The following ISY1 variants were observed in gnomAD, a reference collection of about 807,000 sequenced individuals.
ISY1 encodes pre-mRNA-splicing factor ISY1 homolog.
Under a neutral mutation model 54.4 loss-of-function variants are expected in ISY1, and 12 were observed. The ratio of observed to expected loss-of-function variants is 0.22; its 90% CI spans 0.14 to 0.36. The LOEUF is 0.36. ISY1 is among the 10% of genes least tolerant of loss of function. The pLI is 1.00. For synonymous variants in ISY1, 96 were observed against 117.9 expected, an observed-to-expected ratio of 0.81 and a Z score of 1.20; for missense variants, 282 against 342.2, an observed-to-expected ratio of 0.82 and a Z score of 1.39.
At chr3:129,152,308 C>G (rs1050163837) in intron 5 of ISY1, among the ~76,000 whole-genome samples, 4 of 152,212 alleles carry the variant, frequency 2.6e-5, no homozygotes, top group African/African-American at 9.7e-5. Context: ...TGGAATGACA[C>G]AGTGAATTAA....
intron 7 of ISY1, among the ~76,000 whole-genome samples, chr3:129,135,936 A>G (rs942470039): frequency 6.6e-6 from 1 of 152,246 alleles, no homozygotes; most frequent in Admixed American, 6.6e-5. Context: ...GCTATTTCAC[A>G]AAGTATTTTA....
At chr3:129,130,907 A>G (rs998897930) in intron 9 of ISY1, among the ~76,000 whole-genome samples, 2 of 152,258 alleles carry the variant, frequency 1.3e-5, no homozygotes, top group African/African-American at 2.4e-5. Flanking sequence ...GTGAGGAAAG[A>G]GAATCTTTGT....
At chr3:129,144,032 T>A (rs1338087263) in intron 6 of ISY1, 1 of 228,200 alleles carries the variant, frequency 4.4e-6, no homozygotes, top group Non-Finnish European at 9.3e-6. Flanking sequence ...ATTTGGGTGG[T>A]GGAACTTAAC....
chr3:129,135,528 G>A (rs1186237404), intron 7 of ISY1, among the ~76,000 whole-genome samples: 1 of 152,068 alleles, frequency 6.6e-6, no homozygotes, highest in East Asian at 1.9e-4. Flanking sequence ...CACTTTGGGA[G>A]GCCGAGGCGG....
intron 9 of ISY1, among the ~76,000 whole-genome samples, chr3:129,133,616 C>T (rs566998979): frequency 2.6e-5 from 4 of 152,208 alleles, no homozygotes; most frequent in Non-Finnish European, 5.9e-5. Flanking sequence ...ATTGCTTGAA[C>T]CCGGAAGGCA....
chr3:129,156,604 A>G, intron 5 of ISY1, 29 bp downstream of exon 5: 2 of 1,608,028 alleles, frequency 1.2e-6, no homozygotes, highest in Non-Finnish European at 1.7e-6. Context: ...TTTGAGAATC[A>G]AGCACTTTAA....
chr3:129,148,529 T>A (rs1205274596), intron 5 of ISY1, among the ~76,000 whole-genome samples: 4 of 152,212 alleles, frequency 2.6e-5, no homozygotes, highest in African/African-American at 9.6e-5. Flanking sequence ...TTTATGACTA[T>A]TATGTTAAAC....
intron 3 of ISY1, 51 bp downstream of exon 3, chr3:129,158,457 C>G: frequency 1.2e-6 from 2 of 1,609,090 alleles, no homozygotes; most frequent in Non-Finnish European, 1.7e-6. Context: ...CTGCACCCAG[C>G]CTGCATTTAT....
At position 129,156,681 on chromosome 3, in the gene ISY1, A is replaced by G. The variant is rs1576893865; in HGVS notation, c.145-6T>C. 2 of 1,595,926 alleles carry G rather than the reference A, an allele frequency of 1.3e-6. No homozygotes were observed. Among genetic ancestry groups the G allele is most frequent in the Non-Finnish European group, 1.7e-6 (2 of 1,171,350 alleles). On this transcript the variant is annotated splice_polypyrimidine_tract_variant and splice_region_variant and intron_variant, in intron 4 of 10. Coordinates refer to ENST00000393295, the MANE Select transcript of ISY1 (RefSeq NM_020701.4). ...TTAGAGATCTCTCCAATGATCTATT[A>G]AAAAAAAGTAATACATTTTAATAAT...
At chr3:129,149,472 G>C (rs1038916412) in intron 5 of ISY1, among the ~76,000 whole-genome samples, 1 of 142,072 alleles carries the variant, frequency 7.0e-6, no homozygotes. Context: ...AGGCATGCTG[G>C]GCACAGCAGC....
chr3:129,135,442 T>A (rs7614608), intron 7 of ISY1, among the ~76,000 whole-genome samples: 1 of 152,094 alleles, frequency 6.6e-6, no homozygotes, highest in African/African-American at 2.4e-5. Context: ...TGGACCCATT[T>A]GTCCGTTTAA....
chr3:129,153,476 G>T (rs1937036230), intron 5 of ISY1, among the ~76,000 whole-genome samples: 1 of 152,114 alleles, frequency 6.6e-6, no homozygotes, highest in African/African-American at 2.4e-5. Flanking sequence ...CACCCTTCCA[G>T]TTGTAACAAT....
intron 1 of ISY1, 53 bp downstream of exon 1, chr3:129,160,920 C>CCCGGGGGGGGGGGGGGGGG: frequency 1.9e-6 from 1 of 535,100 alleles, no homozygotes; most frequent in Non-Finnish European, 3.5e-6. Context: ...GACTGGGCGC[C>CCCGGGGGGGGGGGGGGGGG]CCCCCGCCCG....
chr3:129,130,747 A>C, intron 9 of ISY1, 111 bp from the exon 10 acceptor site: 1 of 1,180,308 alleles, frequency 8.5e-7, no homozygotes, highest in Non-Finnish European at 1.2e-6. Flanking sequence ...AAAACTAAGA[A>C]AGTTCTATAC....
intron 5 of ISY1, among the ~76,000 whole-genome samples, chr3:129,152,240 G>A (rs566035471): frequency 1.1e-3 from 161 of 152,084 alleles, no homozygotes; most frequent in African/African-American, 3.7e-3. Context: ...ATGAATAAAC[G>A]TCTAATTTTG....
Position 129,130,578 on chromosome 3 carries a change from G to A in ISY1, c.722C>T (p.Ala241Val), listed in dbSNP as rs751935897. Residue 241 changes from alanine to valine, a missense_variant, in exon 10 of 11, where the codon GCT (alanine) becomes GTT (valine). Coordinates refer to ENST00000393295, the MANE Select transcript of ISY1 (RefSeq NM_020701.4). ...GGDDSQQKFI[A>V]HVPVPSQQEI... Reference sequence around the variant, plus strand: ...TTGCTGCGAGGGAACAGGGACGTGAGCAATGAACTTCTGCTGGCTGTCGTC... The same window carrying A: ...TTGCTGCGAGGGAACAGGGACGTGAACAATGAACTTCTGCTGGCTGTCGTC... 2 of 1,614,048 alleles carry A rather than the reference G, an allele frequency of 1.2e-6. No homozygotes were observed. Among genetic ancestry groups the A allele is most frequent in the Middle Eastern group, 1.6e-4 (1 of 6,084 alleles).
At chr3:129,130,423 G>A (rs553425439) in intron 10 of ISY1, 127 bp downstream of exon 10, 8 of 1,238,718 alleles carry the variant, frequency 6.5e-6, no homozygotes, top group Admixed American at 2.7e-5. Context: ...AATGACAGGT[G>A]TCATGTGGTC....
At chr3:129,137,440 G>C (rs939349372) in intron 7 of ISY1, among the ~76,000 whole-genome samples, 1 of 151,988 alleles carries the variant, frequency 6.6e-6, no homozygotes, top group Non-Finnish European at 1.5e-5. Context: ...TCTATCACTG[G>C]AATAAGCAAA....
At chr3:129,145,942 T>C in intron 5 of ISY1, 69 bp from the exon 6 acceptor site, 1 of 1,443,078 alleles carries the variant, frequency 6.9e-7, no homozygotes, top group Non-Finnish European at 9.6e-7. Context: ...CACGTACACT[T>C]AGTATCATAT....
Sources: gnomAD v4.1 joint callset for allele counts (sites outside exome capture counted in the v4.1 genomes callset) on GRCh38, gnomAD v4.1.1 for gene constraint, MANE v1.5 for transcripts, NCBI Gene and HGNC (gene_info 2026-07-23, HGNC 2026-07-21) for gene names.